C8orf34: variants seen among roughly 807,000 people sequenced by gnomAD.
C8orf34 encodes uncharacterized protein C8orf34.
In C8orf34, 65 loss-of-function variants were observed where a neutral mutation model predicts 68.3. The observed-to-expected ratio is 0.95, with a 90% CI of 0.78 to 1.17. The LOEUF (loss-of-function observed/expected upper bound fraction) is 1.17, where lower values mean the gene tolerates loss of function less well. Ranked by LOEUF, C8orf34 falls within the 50% of genes most tolerant of loss-of-function variation. C8orf34 has a pLI of 0.00. For synonymous variants in C8orf34, 244 were observed against 241.2 expected (o/e 1.01, Z -0.11); for missense variants, 664 against 655.4 (o/e 1.01, Z -0.14).
intron 8 of C8orf34, among the ~76,000 whole-genome samples, chr8:68,681,192 A>T (rs1207341365): frequency 6.6e-6 from 1 of 152,174 alleles, no homozygotes; most frequent in African/African-American, 2.4e-5. Context: ...CATATTTTAC[A>T]ATCAATTTGT....
At chr8:68,577,766 T>C (rs1816948195) in intron 7 of C8orf34, among the ~76,000 whole-genome samples, 1 of 151,870 alleles carries the variant, frequency 6.6e-6, no homozygotes, top group Non-Finnish European at 1.5e-5. Flanking sequence ...AAAACTTGGA[T>C]TGTAAAATAA....
intron 1 of C8orf34, among the ~76,000 whole-genome samples, chr8:68,372,155 C>T (rs1317997187): frequency 1.3e-5 from 2 of 152,142 alleles, no homozygotes; most frequent in Non-Finnish European, 2.9e-5. Flanking sequence ...GGTTCTTGAT[C>T]CTAAATACTT....
chr8:68,613,842 C>A (rs1003880094), intron 7 of C8orf34, among the ~76,000 whole-genome samples: 7 of 151,794 alleles, frequency 4.6e-5, no homozygotes, highest in Non-Finnish European at 1.0e-4. Flanking sequence ...ATTTCTAGTT[C>A]TAGATCCCTG....
chr8:68,345,610 A>G (rs1047729524), intron 1 of C8orf34, among the ~76,000 whole-genome samples: 2 of 152,100 alleles, frequency 1.3e-5, no homozygotes, highest in East Asian at 3.9e-4. Context: ...TCAGGAGTAC[A>G]CCTATCAAAT....
At chr8:68,698,686 C>A (rs542296578) in intron 8 of C8orf34, among the ~76,000 whole-genome samples, 2 of 152,080 alleles carry the variant, frequency 1.3e-5, no homozygotes, top group Non-Finnish European at 2.9e-5. Context: ...TGCTAGAAAT[C>A]AGTGCTTTAA....
chr8:68,613,917 G>A (rs1384098562), intron 7 of C8orf34, among the ~76,000 whole-genome samples: 1 of 152,016 alleles, frequency 6.6e-6, no homozygotes, highest in Non-Finnish European at 1.5e-5. Context: ...CAGTGTAGAA[G>A]TGTTCCTATT....
intron 5 of C8orf34, among the ~76,000 whole-genome samples, chr8:68,494,121 T>C (rs1344057786): frequency 3.3e-5 from 5 of 152,174 alleles, no homozygotes; most frequent in African/African-American, 1.2e-4. Flanking sequence ...CAACCCAATG[T>C]TCACTGACAG....
chr8:68,532,245 T>C (rs11997740), intron 6 of C8orf34, among the ~76,000 whole-genome samples: 77,818 of 151,970 alleles, frequency 0.51, 19,963 homozygotes, highest in Non-Finnish European at 0.53. Context: ...GAAATGCTAT[T>C]TAACTATTGA....
At chr8:68,481,861 T>G (rs376297032) in intron 4 of C8orf34, among the ~76,000 whole-genome samples, 3 of 152,188 alleles carry the variant, frequency 2.0e-5, no homozygotes, top group African/African-American at 7.2e-5. Context: ...GGACTTGCCT[T>G]GTCTCAGATA....
chr8:68,551,136 A>G (rs1252641031), intron 7 of C8orf34, among the ~76,000 whole-genome samples: 2 of 151,582 alleles, frequency 1.3e-5, no homozygotes, highest in African/African-American at 4.8e-5. Flanking sequence ...TGGTATTTTC[A>G]TTATGCATAT....
At chr8:68,566,256 C>A (rs761712040) in intron 7 of C8orf34, among the ~76,000 whole-genome samples, 7 of 152,110 alleles carry the variant, frequency 4.6e-5, no homozygotes, top group Admixed American at 2.0e-4. Flanking sequence ...TATTTCATCA[C>A]CCAGGTATTA....
intron 8 of C8orf34, among the ~76,000 whole-genome samples, chr8:68,692,592 A>T (rs1820716757): frequency 6.6e-6 from 1 of 152,086 alleles, no homozygotes; most frequent in African/African-American, 2.4e-5. Context: ...AGGGAAAAAA[A>T]ACTTACGGAA....
intron 8 of C8orf34, among the ~76,000 whole-genome samples, chr8:68,699,991 T>C (rs891427414): frequency 2.6e-5 from 4 of 152,114 alleles, no homozygotes; most frequent in Non-Finnish European, 4.4e-5. Context: ...TCAGAGGTTC[T>C]TGCGAATGAG....
At chr8:68,611,746 A>G (rs944971029) in intron 7 of C8orf34, among the ~76,000 whole-genome samples, 1 of 152,146 alleles carries the variant, frequency 6.6e-6, no homozygotes, top group Admixed American at 6.6e-5. Flanking sequence ...CTGTTTATAG[A>G]GTTTAAATCT....
At chr8:68,456,246 ACT>A (rs1382576243) in intron 3 of C8orf34, among the ~76,000 whole-genome samples, 2 of 150,020 alleles carry the variant, frequency 1.3e-5, no homozygotes, top group Non-Finnish European at 3.0e-5. Context: ...ACAGAGCGAC[ACT>A]CTGTCTGAAA....
intron 8 of C8orf34, among the ~76,000 whole-genome samples, chr8:68,686,624 C>T (rs1016709769): frequency 6.6e-6 from 1 of 152,036 alleles, no homozygotes; most frequent in Non-Finnish European, 1.5e-5. Flanking sequence ...AAGGGACTTA[C>T]CTCAAAATAA....
chr8:68,444,047 GTT>G (rs531057884), intron 2 of C8orf34, among the ~76,000 whole-genome samples: 1 of 151,924 alleles, frequency 6.6e-6, no homozygotes, highest in Non-Finnish European at 1.5e-5. Context: ...ACTGTTCTCT[GTT>G]TTTCTCATTT....
intron 10 of C8orf34, among the ~76,000 whole-genome samples, chr8:68,746,172 G>A (rs1303337578): frequency 6.6e-6 from 1 of 152,100 alleles, no homozygotes; most frequent in Admixed American, 6.6e-5. Context: ...AAATAAAGAT[G>A]TTCTTTGAAA....
At chr8:68,739,250 G>A (rs996848192) in intron 10 of C8orf34, among the ~76,000 whole-genome samples, 7 of 152,042 alleles carry the variant, frequency 4.6e-5, no homozygotes, top group Non-Finnish European at 1.0e-4. Flanking sequence ...ACCCCTTTAT[G>A]TTAAAAACTC....
Sources: allele counts gnomAD v4.1 joint callset (sites outside exome capture counted in the v4.1 genomes callset), GRCh38; gene constraint gnomAD v4.1.1; transcripts MANE v1.5; gene names NCBI Gene and HGNC (gene_info 2026-07-23, HGNC 2026-07-21).